Variants in DGKD observed in about 807,000 individuals in gnomAD.
DGKD encodes DAG kinase delta.
In DGKD, 68 loss-of-function variants were observed where a neutral mutation model predicts 154.4. That is an observed-to-expected ratio of 0.44 (90% CI 0.36 to 0.54). The LOEUF (loss-of-function observed/expected upper bound fraction) is 0.54, where lower values mean the gene tolerates loss of function less well. Among genes scored for constraint, DGKD ranks in the 20% least tolerant of loss-of-function variants. The pLI is 0.00. For missense variants in DGKD, 1,343 were observed against 1,593.6 expected (o/e 0.84, Z 2.68); for synonymous variants, 693 against 638.0 (o/e 1.09, Z -1.30).
chr2:233,367,095 G>A (rs190135721), intron 1 of DGKD, among the ~76,000 whole-genome samples: 40 of 152,028 alleles, frequency 2.6e-4, no homozygotes, highest in East Asian at 1.3e-3. Flanking sequence ...CAAGTTTTAC[G>A]CATCATCTTT....
At position 233,459,750 on chromosome 2, in the gene DGKD, T is replaced by TG. The variant is rs1344725158; in HGVS notation, c.2695-6dup. The TG allele has an allele frequency of 6.2e-7, 1 of 1,613,046 alleles. No homozygotes were observed. Among genetic ancestry groups the TG allele is most frequent in the Admixed American group, 1.7e-5 (1 of 59,848 alleles). ...CAGCATGAGTAATGGCTATGATGTC[T>TG]GCTCAGTGTCGCACGGTGAAGATCT... On this transcript the variant is annotated splice_polypyrimidine_tract_variant and splice_region_variant and intron_variant, in intron 22 of 29. Coordinates refer to ENST00000264057, the MANE Select transcript of DGKD (RefSeq NM_152879.3). The surrounding 1 kb of genome is among the most constrained non-coding windows in gnomAD (Gnocchi z 5.7).
intron 3 of DGKD, among the ~76,000 whole-genome samples, chr2:233,432,939 A>G (rs1324026901): frequency 6.6e-6 from 1 of 152,244 alleles, no homozygotes; most frequent in African/African-American, 2.4e-5. Context: ...AAAGACAGGC[A>G]ATAACAAATG....
chr2:233,435,406 T>G (rs2125591406), intron 5 of DGKD, among the ~76,000 whole-genome samples: 1 of 152,344 alleles, frequency 6.6e-6, no homozygotes, highest in Admixed American at 6.5e-5. Context: ...CAGACTGGCT[T>G]TTAAATTTTT....
At position 233,471,070 on chromosome 2, in the gene DGKD, C is replaced by T. The variant is rs2063998285; in HGVS notation, c.*1610C>T. 6.6e-6 allele frequency: 1 copy of T among 152,584 alleles called. No homozygotes were observed. Among genetic ancestry groups the T allele is most frequent in the African/African-American group, 2.4e-5 (1 of 41,576 alleles). 9.5% of individuals were successfully genotyped at this position (152,584 alleles called of 1,614,324 possible). A position where few individuals can be genotyped will look rare whatever the true frequency, so the allele number is the denominator to read the frequency against. ...ACTCACAGCCCCTCTGTCCCCTCTG[C>T]AGTGCACCCAGGTGGGCCCCTCTGC... is the stretch of plus-strand genomic sequence containing the variant. On this transcript the variant is annotated 3_prime_UTR_variant, in exon 30 of 30. Transcript: ENST00000264057.
At chr2:233,456,758 T>C (rs2063474537) in intron 19 of DGKD, 141 bp from the exon 20 acceptor site, 1 of 662,326 alleles carries the variant, frequency 1.5e-6, no homozygotes, top group Admixed American at 2.5e-5. Context: ...AAATGTGTCC[T>C]TCAGATGTTA....
At position 233,458,159 on chromosome 2, in the gene DGKD, G is replaced by A; in HGVS notation, c.2581-125G>A. 6.8e-6 allele frequency: 4 copies of A among 586,078 alleles called. No individual in the cohort carries two copies. The highest frequency in any genetic ancestry group is 1.2e-5 in the Non-Finnish European group (4 of 320,242). The allele number at this position is 586,078 out of a possible 1,614,324, so 36.3% of individuals were successfully genotyped here. ...CTGCAACATGAAGCCCGTCAGGAGT[G>A]CAGTTACCTGGTAACTTCTCGCCAG... On this transcript the variant is annotated intron_variant, in intron 21 of 29. Coordinates refer to ENST00000264057, the MANE Select transcript of DGKD (RefSeq NM_152879.3). This position sits in a 1 kb window ranked among gnomAD's most constrained non-coding sequence, Gnocchi z 6.6.
intron 1 of DGKD, among the ~76,000 whole-genome samples, chr2:233,387,546 G>A (rs542364825): frequency 2.2e-4 from 33 of 152,342 alleles, no homozygotes; most frequent in African/African-American, 7.2e-4. Flanking sequence ...GAGCAGCTCC[G>A]GGAGAAGTAG....
chr2:233,363,096 T>C (rs768093175), intron 1 of DGKD, among the ~76,000 whole-genome samples: 32 of 152,198 alleles, frequency 2.1e-4, no homozygotes, highest in African/African-American at 6.8e-4. Context: ...TTCCTACTTA[T>C]AGAAAAAAGA....
Position 233,445,761 on chromosome 2 carries a change from A to G in DGKD, c.1333A>G (p.Arg445Gly). The change falls in exon 11 of 30, where the codon AGG becomes GGG. Residue 445 changes from arginine (R) to glycine (G), a missense_variant and splice_region_variant. By Grantham distance (125) the Arg-to-Gly change is moderately radical. This residue lies in a region of DGKD where 409 missense variants were observed against 446.0 expected (regional missense o/e 0.92). Transcript: ENST00000264057. The surrounding 1 kb of genome is among the most constrained non-coding windows in gnomAD (Gnocchi z 5.5). ...LERASTKMLD[R>G]WSVMAYEAKL... Reference sequence around the variant, plus strand: ...GAGAGCCAGCACCAAGATGCTGGACAGGTGAGTGGGGATGTGCTCCGGTGC... The same window carrying G: ...GAGAGCCAGCACCAAGATGCTGGACGGGTGAGTGGGGATGTGCTCCGGTGC... 1 of 1,610,436 alleles carries G rather than the reference A, an allele frequency of 6.2e-7. No individual in the cohort carries two copies. Among genetic ancestry groups the G allele is most frequent in the Non-Finnish European group, 8.5e-7 (1 of 1,178,156 alleles).
At chr2:233,379,445 A>G (rs1302967408) in intron 1 of DGKD, among the ~76,000 whole-genome samples, 1 of 152,204 alleles carries the variant, frequency 6.6e-6, no homozygotes, top group East Asian at 1.9e-4. Context: ...CCTAGATGAC[A>G]AGGAAAGCAA....
intron 3 of DGKD, among the ~76,000 whole-genome samples, chr2:233,406,984 T>G (rs1475121907): frequency 6.6e-6 from 1 of 152,258 alleles, no homozygotes; most frequent in Non-Finnish European, 1.5e-5. Context: ...ATCAAGAAGT[T>G]TGATGAAGTA....
chr2:233,399,725 A>G (rs2061511125), intron 3 of DGKD, among the ~76,000 whole-genome samples: 1 of 152,004 alleles, frequency 6.6e-6, no homozygotes, highest in Non-Finnish European at 1.5e-5. Context: ...TTTTTGTTAG[A>G]AGAGTCTGTC....
chr2:233,398,195 T>C (rs372861125), intron 3 of DGKD, among the ~76,000 whole-genome samples: 2 of 150,550 alleles, frequency 1.3e-5, no homozygotes, highest in East Asian at 2.0e-4. Flanking sequence ...CAGGCTGGAG[T>C]GCAGTGGTGC....
At chr2:233,434,031 G>T (rs2062612768) in intron 3 of DGKD, among the ~76,000 whole-genome samples, 1 of 152,188 alleles carries the variant, frequency 6.6e-6, no homozygotes, top group Non-Finnish European at 1.5e-5. Flanking sequence ...GCTCCCTGAA[G>T]CAGTAGCAAC....
chr2:233,422,897 C>T (rs2125551205), intron 3 of DGKD, among the ~76,000 whole-genome samples: 1 of 152,328 alleles, frequency 6.6e-6, no homozygotes, highest in Non-Finnish European at 1.5e-5. Flanking sequence ...CAGAGATTTT[C>T]CTTGTGCCCT....
At chr2:233,434,547 T>C in intron 4 of DGKD, 63 bp downstream of exon 4, 1 of 1,506,278 alleles carries the variant, frequency 6.6e-7, no homozygotes, top group Non-Finnish European at 9.2e-7. Flanking sequence ...CAGTGTCTGC[T>C]GTCTGAGTGT....
chr2:233,355,313 A>G (rs1574965931), intron 1 of DGKD, among the ~76,000 whole-genome samples: 1 of 152,188 alleles, frequency 6.6e-6, no homozygotes, highest in Non-Finnish European at 1.5e-5. Context: ...CTGACGCTAA[A>G]TGTTAGATAA....
intron 1 of DGKD, among the ~76,000 whole-genome samples, chr2:233,356,832 TC>T (rs1701550917): frequency 6.6e-6 from 1 of 152,046 alleles, no homozygotes; most frequent in Admixed American, 6.6e-5. Flanking sequence ...TTTTTTTTTT[TC>T]CAGCAGATAA....
In DGKD at chr2:233,445,709, G is replaced by C. The variant is rs2063043629; in HGVS notation, c.1281G>C (p.Gln427His). ...GWGSACDDDT[Q>H]LPQILEKLER... is the part of the protein sequence containing the mutation. ...GCTCAGCCTGCGATGACGACACCCA[G>C]CTCCCCCAGATCTTGGAGAAGTTGG... is the stretch of plus-strand genomic sequence containing the variant. Residue 427 changes from glutamine (Q) to histidine (H), a missense_variant, in exon 11 of 30, where the codon CAG becomes CAC. Coordinates refer to ENST00000264057, the MANE Select transcript of DGKD (RefSeq NM_152879.3). The surrounding 1 kb of genome is among the most constrained non-coding windows in gnomAD (Gnocchi z 5.5). 6 of 1,613,630 alleles carry C rather than the reference G, an allele frequency of 3.7e-6. No individual in the cohort carries two copies. Among genetic ancestry groups the C allele is most frequent in the South Asian group, 2.2e-5 (2 of 90,958 alleles).
Sources: gnomAD v4.1 joint callset for allele counts (sites outside exome capture counted in the v4.1 genomes callset) on GRCh38, gnomAD v4.1.1 for gene constraint, gnomAD v4.1.1 regional missense constraint, Gnocchi (gnomAD v3.1) non-coding constraint, MANE v1.5 for transcripts, NCBI Gene and HGNC (gene_info 2026-07-23, HGNC 2026-07-21) for gene names.